ARHGEF10L: variants seen among roughly 807,000 people sequenced by gnomAD.
ARHGEF10L encodes rho guanine nucleotide exchange factor 10-like protein.
Under a neutral mutation model 141.2 loss-of-function variants are expected in ARHGEF10L, and 69 were observed. The observed-to-expected ratio is 0.49, with a 90% CI of 0.40 to 0.60. The LOEUF is 0.60. Ranked by LOEUF, ARHGEF10L falls within the 20% of genes least tolerant of loss-of-function variation. The pLI is 0.00. For synonymous variants in ARHGEF10L, 711 were observed against 718.5 expected (o/e 0.99, Z 0.17); for missense variants, 1,482 against 1,734.3 (o/e 0.85, Z 2.58).
chr1:17,521,368 G>C, the ARHGEF10L span, among the ~76,000 whole-genome samples: 1 of 152,138 alleles, frequency 6.6e-6, no homozygotes, highest in Non-Finnish European at 1.5e-5. Context: ...GGCTAATTTT[G>C]TATTTTTAGT....
chr1:17,563,892 C>T (rs1277293912), intron 1 of ARHGEF10L, among the ~76,000 whole-genome samples: 1 of 152,072 alleles, frequency 6.6e-6, no homozygotes, highest in Non-Finnish European at 1.5e-5. Flanking sequence ...CGTCTGAGAG[C>T]GTCTGATTGT....
At chr1:17,594,043 A>C (rs760120169) in intron 4 of ARHGEF10L, among the ~76,000 whole-genome samples, 8 of 146,566 alleles carry the variant, frequency 5.5e-5, no homozygotes, top group Non-Finnish European at 9.0e-5. Flanking sequence ...TTCACCCAGC[A>C]CCTCTTTACT....
At chr1:17,693,402 G>A (rs1370658557) in intron 27 of ARHGEF10L, among the ~76,000 whole-genome samples, 1 of 152,206 alleles carries the variant, frequency 6.6e-6, no homozygotes, top group Non-Finnish European at 1.5e-5. Context: ...TGATGGGATG[G>A]CACACTGTGT....
chr1:17,543,570 T>A (rs1228898423), intron 1 of ARHGEF10L, among the ~76,000 whole-genome samples: 1 of 151,138 alleles, frequency 6.6e-6, no homozygotes. Flanking sequence ...GGGACAAGAG[T>A]AAAACTCCGT....
intron 1 of ARHGEF10L, among the ~76,000 whole-genome samples, chr1:17,569,474 T>C (rs925585842): frequency 4.6e-5 from 7 of 152,146 alleles, no homozygotes; most frequent in African/African-American, 1.7e-4. Flanking sequence ...CTGCCGTTGT[T>C]GGGTGGGTTG....
chr1:17,575,390 G>A (rs2078179454), intron 1 of ARHGEF10L, among the ~76,000 whole-genome samples: 1 of 152,258 alleles, frequency 6.6e-6, no homozygotes, highest in African/African-American at 2.4e-5. Context: ...AAGCTTTGCA[G>A]AGGAGAAATG....
At chr1:17,527,255 G>T in the ARHGEF10L span, among the ~76,000 whole-genome samples, 1 of 152,240 alleles carries the variant, frequency 6.6e-6, no homozygotes, top group African/African-American at 2.4e-5. Flanking sequence ...CCAGAACCGG[G>T]TGGCTGGCTG....
At chr1:17,617,701 A>G (rs1465196647) in intron 9 of ARHGEF10L, among the ~76,000 whole-genome samples, 1 of 152,168 alleles carries the variant, frequency 6.6e-6, no homozygotes, top group Non-Finnish European at 1.5e-5. Context: ...CATCCTAGAA[A>G]ATTCTGTAAT....
At chr1:17,579,876 C>T (rs994485756) in intron 1 of ARHGEF10L, among the ~76,000 whole-genome samples, 1 of 152,240 alleles carries the variant, frequency 6.6e-6, no homozygotes, top group Non-Finnish European at 1.5e-5. Flanking sequence ...CTTATGTGAG[C>T]TCCCACTGTG....
chr1:17,523,896 G>C, the ARHGEF10L span, among the ~76,000 whole-genome samples: 230 of 152,328 alleles, frequency 1.5e-3, 1 homozygote, highest in African/African-American at 5.4e-3. Context: ...CACACAGAGA[G>C]TTAGTATGAA....
At chr1:17,518,379 T>G in the ARHGEF10L span, among the ~76,000 whole-genome samples, 548 of 152,306 alleles carry the variant, frequency 3.6e-3, 4 homozygotes, top group African/African-American at 0.012. Flanking sequence ...AGGAGCACAT[T>G]AGAAGGGCAG....
At chr1:17,572,421 G>A (rs1330801466) in intron 1 of ARHGEF10L, among the ~76,000 whole-genome samples, 1 of 152,148 alleles carries the variant, frequency 6.6e-6, no homozygotes, top group East Asian at 1.9e-4. Flanking sequence ...TTGTGCTTTA[G>A]GTGAGTTCCT....
chr1:17,660,371 C>G (rs762402242), intron 25 of ARHGEF10L, among the ~76,000 whole-genome samples: 45 of 152,186 alleles, frequency 3.0e-4, no homozygotes, highest in Non-Finnish European at 5.1e-4. Flanking sequence ...CCCTCTAATC[C>G]TCAGTTTCCT....
At chr1:17,642,492 C>T (rs1437007609) in intron 21 of ARHGEF10L, among the ~76,000 whole-genome samples, 1 of 152,036 alleles carries the variant, frequency 6.6e-6, no homozygotes, top group Admixed American at 6.5e-5. Flanking sequence ...GGATAGTGTC[C>T]CGATCTGATT....
Position 17,598,588 on chromosome 1 carries a change from G to A in ARHGEF10L, c.258-3539G>A, listed in dbSNP as rs568431217. Among the ~76,000 whole-genome samples, 9 of 152,216 alleles carry A rather than the reference G, an allele frequency of 5.9e-5. No homozygotes were observed. In the South Asian group the frequency reaches 1.9e-3, roughly 32 times the overall value. On this transcript the variant is annotated intron_variant, in intron 4 of 28. Coordinates refer to ENST00000361221, the MANE Select transcript of ARHGEF10L (RefSeq NM_018125.4). The stretch of plus-strand genomic sequence containing the variant: ...TATATGGGCACTAATCCCAACCATG[G>A]GGGCTCTGCTCTTATGACCTAATCA...
chr1:17,637,612 C>T (rs1434162127), intron 18 of ARHGEF10L, among the ~76,000 whole-genome samples: 4 of 152,144 alleles, frequency 2.6e-5, no homozygotes, highest in African/African-American at 9.7e-5. Flanking sequence ...CATTCTCCTG[C>T]CTCAGCCTCC....
rs12059707 is a variant in ARHGEF10L at position 17,627,991 on chromosome 1, A to C, written c.1584+488A>C. 0.14 allele frequency among the ~76,000 whole-genome samples: 20,570 copies of C among 151,886 alleles called. 1,509 individuals are homozygous for C. The highest frequency in any genetic ancestry group is 0.17 in the African/African-American group (6,915 of 41,398). On this transcript the variant is annotated intron_variant, in intron 15 of 28. Transcript: ENST00000361221. The surrounding 1 kb of genome is among the most constrained non-coding windows in gnomAD (Gnocchi z 4.0). The stretch of plus-strand genomic sequence containing the variant: ...CCTTAACACAAGAAGAAAGATGAAA[A>C]GTCCATGCCATGTTTTGGGGTTGCC...
chr1:17,627,628 C>G lies in ARHGEF10L; in HGVS notation c.1584+125C>G, dbSNP rs914835903. The G allele has an allele frequency of 8.2e-7, 1 of 1,216,210 alleles. No homozygotes were observed. The highest frequency in any genetic ancestry group is 1.5e-5 in the South Asian group (1 of 65,816). 75.3% of individuals were successfully genotyped at this position (1,216,210 alleles called of 1,614,324 possible). On this transcript the variant is annotated intron_variant, in intron 15 of 28. Transcript: ENST00000361221. This position sits in a 1 kb window ranked among gnomAD's most constrained non-coding sequence, Gnocchi z 4.0. ...TCTCTGAGGGAGGGGAGGCCTTGCT[C>G]TTCCAAGGATGTGACCTTGGGGATT...
chr1:17,656,499 G>C lies in ARHGEF10L; in HGVS notation c.2706-55G>C. 1.3e-6 allele frequency: 2 copies of C among 1,568,406 alleles called. No individual in the cohort carries two copies. The highest frequency in any genetic ancestry group is 1.7e-6 in the Non-Finnish European group (2 of 1,151,694). On this transcript the variant is annotated intron_variant, in intron 24 of 28. Coordinates refer to ENST00000361221, the MANE Select transcript of ARHGEF10L (RefSeq NM_018125.4). This position sits in a 1 kb window ranked among gnomAD's most constrained non-coding sequence, Gnocchi z 4.9. Reference sequence around the variant, plus strand: ...CTCCCTAGGAGGGCATGGGGGCAGTGAGTGGGTGGGAGTGCTCAGTGTGTC... The same window carrying C: ...CTCCCTAGGAGGGCATGGGGGCAGTCAGTGGGTGGGAGTGCTCAGTGTGTC...
Sources: allele counts gnomAD v4.1 joint callset (sites outside exome capture counted in the v4.1 genomes callset), GRCh38; gene constraint gnomAD v4.1.1; non-coding constraint Gnocchi (gnomAD v3.1); transcripts MANE v1.5; gene names NCBI Gene and HGNC (gene_info 2026-07-23, HGNC 2026-07-21).